Variants in RARB observed in about 807,000 individuals in gnomAD.
The protein encoded by RARB is HBV-activated protein.
RARB carries 17 observed loss-of-function variants against 51.9 expected under a neutral mutation model. The ratio of observed to expected loss-of-function variants is 0.33; its 90% CI spans 0.22 to 0.49. The LOEUF is 0.49. RARB is among the 20% of genes least tolerant of loss of function. RARB has a pLI of 0.99. For missense variants in RARB, 369 were observed against 550.8 expected, an observed-to-expected ratio of 0.67 and a Z score of 3.30; for synonymous variants, 215 against 195.4, an observed-to-expected ratio of 1.10 and a Z score of -0.84.
chr3:24,910,462 G>T (rs943596477), intron 2 of RARB, among the ~76,000 whole-genome samples: 1 of 152,150 alleles, frequency 6.6e-6, no homozygotes, highest in African/African-American at 2.4e-5. Flanking sequence ...GTAAATATAT[G>T]AGCTTTGTAA....
chr3:25,434,925 C>G (rs911256608), intron 1 of RARB, among the ~76,000 whole-genome samples: 1 of 152,130 alleles, frequency 6.6e-6, no homozygotes, highest in African/African-American at 2.4e-5. Context: ...TTGCTACCAG[C>G]CCTGAAACCA....
chr3:25,466,936 G>A (rs952872875), intron 2 of RARB, among the ~76,000 whole-genome samples: 13 of 152,184 alleles, frequency 8.5e-5, no homozygotes, highest in African/African-American at 3.1e-4. Flanking sequence ...AGAAGCTGGT[G>A]CCCCAAAGCT....
At chr3:24,978,206 G>C (rs1217728135) in intron 2 of RARB, among the ~76,000 whole-genome samples, 1 of 150,434 alleles carries the variant, frequency 6.6e-6, no homozygotes. Flanking sequence ...ATTGGCCTAA[G>C]ATTCTTTTTT....
chr3:25,536,967 G>T (rs1383317138), intron 3 of RARB, among the ~76,000 whole-genome samples: 1 of 152,224 alleles, frequency 6.6e-6, no homozygotes, highest in Non-Finnish European at 1.5e-5. Flanking sequence ...GAGAAATTGA[G>T]TAACAGACGA....
At chr3:24,859,036 CAAAAAAAAAAAA>C (rs1169235713) in intron 2 of RARB, among the ~76,000 whole-genome samples, 4 of 50,320 alleles carry the variant, frequency 7.9e-5, no homozygotes, top group Admixed American at 4.4e-4. Flanking sequence ...GACTCTGTCT[CAAAAAAAAAAAA>C]AAAAAAAAAG....
At chr3:25,405,934 T>A (rs1228995486) in intron 5 of RARB, among the ~76,000 whole-genome samples, 2 of 145,600 alleles carry the variant, frequency 1.4e-5, no homozygotes, top group Non-Finnish European at 3.0e-5. Context: ...AGGGACGGCA[T>A]GAGCCAAGGG....
At chr3:24,961,205 C>A (rs545901098) in intron 2 of RARB, among the ~76,000 whole-genome samples, 1 of 152,296 alleles carries the variant, frequency 6.6e-6, no homozygotes, top group East Asian at 1.9e-4. Flanking sequence ...CAAAGAGATT[C>A]TGTTGTTCAA....
intron 2 of RARB, among the ~76,000 whole-genome samples, chr3:24,908,171 C>G (rs532451511): frequency 6.6e-6 from 1 of 152,174 alleles, no homozygotes; most frequent in Non-Finnish European, 1.5e-5. Context: ...AGAAAAAGCA[C>G]TGATTCTTGT....
intron 5 of RARB, among the ~76,000 whole-genome samples, chr3:25,414,436 A>G (rs895270308): frequency 6.6e-6 from 1 of 152,240 alleles, no homozygotes; most frequent in African/African-American, 2.4e-5. Context: ...GTAAACACCT[A>G]GGCATGGAAT....
chr3:24,899,555 G>T (rs968180926), intron 2 of RARB, among the ~76,000 whole-genome samples: 4 of 152,128 alleles, frequency 2.6e-5, no homozygotes, highest in Admixed American at 6.5e-5. Flanking sequence ...AGTCTAGTGG[G>T]AATTGATTAG....
At chr3:25,222,940 A>AT (rs1006476683) in intron 5 of RARB, among the ~76,000 whole-genome samples, 1 of 152,124 alleles carries the variant, frequency 6.6e-6, no homozygotes, top group Non-Finnish European at 1.5e-5. Flanking sequence ...AATGAATAGG[A>AT]TTTTTTTCTA....
At chr3:25,112,684 A>G (rs991657788) in intron 3 of RARB, among the ~76,000 whole-genome samples, 3 of 152,100 alleles carry the variant, frequency 2.0e-5, no homozygotes, top group Admixed American at 1.3e-4. Context: ...AGGCTGAGGT[A>G]GGAGAATCAC....
At chr3:25,036,345 C>T (rs1697994159) in intron 2 of RARB, among the ~76,000 whole-genome samples, 1 of 152,132 alleles carries the variant, frequency 6.6e-6, no homozygotes, top group Non-Finnish European at 1.5e-5. Flanking sequence ...GAATTTGAAG[C>T]CATATGTCTG....
intron 5 of RARB, among the ~76,000 whole-genome samples, chr3:25,233,915 C>T (rs1702243390): frequency 6.6e-6 from 1 of 151,660 alleles, no homozygotes; most frequent in South Asian, 2.1e-4. Flanking sequence ...TCCTTGTGTC[C>T]CCAGAATAAA....
At chr3:25,174,536 C>T (rs1024183844) in exon 5 of RARB, 1 of 1,352,014 alleles carries the variant, frequency 7.4e-7, no homozygotes, top group African/African-American at 1.5e-5. Flanking sequence ...CCTTCATGGA[C>T]ATCCGCCTCC....
chr3:25,001,005 C>T (rs1697148241), intron 2 of RARB, among the ~76,000 whole-genome samples: 3 of 151,912 alleles, frequency 2.0e-5, no homozygotes, highest in Non-Finnish European at 4.4e-5. Flanking sequence ...AGAGAGGCCC[C>T]ACCAAAACAT....
intron 5 of RARB, among the ~76,000 whole-genome samples, chr3:25,238,668 C>T (rs920842187): frequency 3.9e-5 from 6 of 152,084 alleles, no homozygotes; most frequent in East Asian, 1.9e-4. Context: ...TTGTCAGCAT[C>T]GGTTATTTTT....
At chr3:25,063,380 A>G (rs548543079) in intron 3 of RARB, among the ~76,000 whole-genome samples, 3 of 152,154 alleles carry the variant, frequency 2.0e-5, no homozygotes, top group Admixed American at 2.0e-4. Flanking sequence ...AGCTTTCCTT[A>G]AGCCATGCCT....
intron 2 of RARB, among the ~76,000 whole-genome samples, chr3:24,902,831 G>T (rs1394064103): frequency 6.6e-6 from 1 of 152,120 alleles, no homozygotes; most frequent in Admixed American, 6.6e-5. Flanking sequence ...TTATATGGTG[G>T]ATATTTTACA....
Sources: allele counts gnomAD v4.1 joint callset (sites outside exome capture counted in the v4.1 genomes callset), GRCh38; gene constraint gnomAD v4.1.1; transcripts MANE v1.5; gene names NCBI Gene and HGNC (gene_info 2026-07-23, HGNC 2026-07-21).